The following PCDHGB6 variants were observed in gnomAD, a reference collection of about 807,000 sequenced individuals.
PCDHGB6 encodes protocadherin gamma-B6.
PCDHGB6 carries 51 observed loss-of-function variants against 59.1 expected under a neutral mutation model. The observed-to-expected ratio is 0.86, with a 90% CI of 0.69 to 1.09. The LOEUF (loss-of-function observed/expected upper bound fraction) is 1.09. Among genes scored for constraint, PCDHGB6 ranks in the 50% least tolerant of loss-of-function variants. The pLI is 0.00. For missense variants in PCDHGB6, 1,148 were observed against 1,205.1 expected (o/e 0.95, Z 0.70); for synonymous variants, 466 against 495.1 (o/e 0.94, Z 0.78).
chr5:141,495,449 G>T (rs1249221693), intron 2 of PCDHGB6, among the ~76,000 whole-genome samples: 1 of 152,194 alleles, frequency 6.6e-6, no homozygotes, highest in East Asian at 1.9e-4. Flanking sequence ...TACTTGTCCT[G>T]CTCTCTGTCT....
intron 1 of PCDHGB6, chr5:141,411,305 C>T (rs1317785609): frequency 6.6e-6 from 1 of 152,176 alleles, no homozygotes; most frequent in Non-Finnish European, 1.5e-5. Context: ...CCCAGTGGCT[C>T]ACACCTATAA....
Position 141,490,151 on chromosome 5 carries a change from T to A in PCDHGB6, c.2419-4656T>A, listed in dbSNP as rs1449636059. 6.2e-6 allele frequency: 10 copies of A among 1,614,210 alleles called. No homozygotes were observed. The highest frequency in any genetic ancestry group is 8.5e-6 in the Non-Finnish European group (10 of 1,180,018). On this transcript the variant is annotated intron_variant, in intron 1 of 3. Transcript: ENST00000520790. This position sits in a 1 kb window ranked among gnomAD's most constrained non-coding sequence, Gnocchi z 5.4. ...GACCCTAGCAGTGGGGCAATCCATG[T>A]GTTGGGTCCCATAGACTTTGAGGAG... is the stretch of plus-strand genomic sequence containing the variant.
At chr5:141,422,465 G>A in intron 1 of PCDHGB6, 1 of 1,613,508 alleles carries the variant, frequency 6.2e-7, no homozygotes, top group Non-Finnish European at 8.5e-7. Flanking sequence ...GTGCTGGACA[G>A]GGAGTTGGTC....
chr5:141,473,616 G>A (rs1049605139), intron 1 of PCDHGB6, among the ~76,000 whole-genome samples: 5 of 152,118 alleles, frequency 3.3e-5, no homozygotes, highest in African/African-American at 1.2e-4. Flanking sequence ...GCAAAGGGAG[G>A]GAGGAAAAAG....
intron 3 of PCDHGB6, among the ~76,000 whole-genome samples, chr5:141,507,891 C>A (rs1031803854): frequency 6.6e-6 from 1 of 152,208 alleles, no homozygotes; most frequent in African/African-American, 2.4e-5. Flanking sequence ...AGAGAGGTTC[C>A]TGAAGTCCAG....
chr5:141,413,906 C>G, intron 1 of PCDHGB6: 1 of 1,613,310 alleles, frequency 6.2e-7, no homozygotes. Context: ...GACAACGCGC[C>G]GGTCTTCACC....
chr5:141,431,582 G>A lies in PCDHGB6; in HGVS notation c.2418+20962G>A. On this transcript the variant is annotated intron_variant, in intron 1 of 3. Coordinates refer to ENST00000520790, the MANE Select transcript of PCDHGB6 (RefSeq NM_018926.3). The surrounding 1 kb of genome is among the most constrained non-coding windows in gnomAD (Gnocchi z 4.8). Reference sequence around the variant, plus strand: ...TACCGACCCTGACGAAGGAGTCAATGCGGAAGTGAGGTATTCCTTCCGGTA... The same window carrying A: ...TACCGACCCTGACGAAGGAGTCAATACGGAAGTGAGGTATTCCTTCCGGTA... The A allele has an allele frequency of 6.2e-7, 1 of 1,614,210 alleles. No homozygotes were observed. Among genetic ancestry groups the A allele is most frequent in the Non-Finnish European group, 8.5e-7 (1 of 1,180,036 alleles).
At position 141,490,356 on chromosome 5, in the gene PCDHGB6, T is replaced by C. The variant is rs771968534; in HGVS notation, c.2419-4451T>C. ...CAGTGGGCACAGTAGTGGGGTTGTT[T>C]AATGTGCGAGACCGGGACTCAGGTA... On this transcript the variant is annotated intron_variant, in intron 1 of 3. Coordinates refer to ENST00000520790, the MANE Select transcript of PCDHGB6 (RefSeq NM_018926.3). The surrounding 1 kb of genome is among the most constrained non-coding windows in gnomAD (Gnocchi z 5.4). 1.4e-5 allele frequency: 23 copies of C among 1,614,084 alleles called. No individual in the cohort carries two copies. Among genetic ancestry groups the C allele is most frequent in the Non-Finnish European group, 1.9e-5 (22 of 1,180,038 alleles).
chr5:141,483,756 G>C (rs11739909), intron 1 of PCDHGB6, among the ~76,000 whole-genome samples: 24,641 of 152,020 alleles, frequency 0.16, 2,128 homozygotes, highest in African/African-American at 0.22. Context: ...GAGGATCGAG[G>C]CTTGGAAAAA....
chr5:141,421,487 C>G (rs1447180364), intron 1 of PCDHGB6: 2 of 1,614,094 alleles, frequency 1.2e-6, no homozygotes, highest in Non-Finnish European at 1.7e-6. Context: ...AGCTTGATCA[C>G]GGCAGGCAGG....
At position 141,427,779 on chromosome 5, in the gene PCDHGB6, C is replaced by T. The variant is rs1196661076; in HGVS notation, c.2418+17159C>T. On this transcript the variant is annotated intron_variant, in intron 1 of 3. Transcript: ENST00000520790. Reference sequence around the variant, plus strand: ...TACCACTGACTTGGAGCTGCGGGCACTGTCGTCCTACGTGTCCGTGAGCGC... The same window carrying T: ...TACCACTGACTTGGAGCTGCGGGCATTGTCGTCCTACGTGTCCGTGAGCGC... 2.1e-6 allele frequency: 3 copies of T among 1,454,498 alleles called. No individual in the cohort carries two copies. The East Asian group carries it at 6.8e-5, about 33-fold the overall frequency. The allele number at this position is 1,454,498 out of a possible 1,614,324, so 90.1% of individuals were successfully genotyped here. A position where few individuals can be genotyped will look rare whatever the true frequency, so the allele number is the denominator to read the frequency against.
At chr5:141,415,420 G>A in intron 1 of PCDHGB6, 2 of 1,614,226 alleles carry the variant, frequency 1.2e-6, no homozygotes, top group Non-Finnish European at 1.7e-6. Flanking sequence ...GGGCGTGGAC[G>A]GGGTTCGGGC....
rs549047197 is a variant in PCDHGB6, at chr5:141,502,866, C to CTTTTTTTTTTTTTTT, written c.2478-2513_2478-2512insTTTTTTTTTTTTTTT. Reference sequence around the variant, plus strand: ...GAGCTGCCTAACCCTGACTCTCTGTCTTTTTTTTTTTTTTGACAGGGAGTC... The same window carrying CTTTTTTTTTTTTTTT: ...GAGCTGCCTAACCCTGACTCTCTGTCTTTTTTTTTTTTTTTTTTTTTTTTTTTTTGACAGGGAGTC... On this transcript the variant is annotated intron_variant, in intron 2 of 3. Coordinates refer to ENST00000520790, the MANE Select transcript of PCDHGB6 (RefSeq NM_018926.3). 1.1e-4 allele frequency among the ~76,000 whole-genome samples: 14 copies of CTTTTTTTTTTTTTTT among 128,026 alleles called. 3 individuals are homozygous for CTTTTTTTTTTTTTTT. Among genetic ancestry groups the CTTTTTTTTTTTTTTT allele is most frequent in the Admixed American group, 1.7e-4 (2 of 11,664 alleles). The allele number at this position is 128,026 out of a possible 152,430, so 84.0% of individuals were successfully genotyped here.
intron 1 of PCDHGB6, chr5:141,415,300 C>T (rs763286826): frequency 3.1e-6 from 5 of 1,614,222 alleles, no homozygotes; most frequent in East Asian, 4.5e-5. Context: ...CTGCGTCTTC[C>T]TGGCCTTCGT....
At chr5:141,473,229 T>G (rs891825934) in intron 1 of PCDHGB6, among the ~76,000 whole-genome samples, 8 of 152,160 alleles carry the variant, frequency 5.3e-5, no homozygotes, top group Admixed American at 1.3e-4. Context: ...GGAGATTGGA[T>G]CCACACAAGT....
Position 141,486,416 on chromosome 5 carries a change from C to G in PCDHGB6, c.2419-8391C>G. The G allele has an allele frequency of 4.3e-6, 7 of 1,614,152 alleles. No homozygotes were observed. The highest frequency in any genetic ancestry group is 5.9e-6 in the Non-Finnish European group (7 of 1,180,016). On this transcript the variant is annotated intron_variant, in intron 1 of 3. Coordinates refer to ENST00000520790, the MANE Select transcript of PCDHGB6 (RefSeq NM_018926.3). The surrounding 1 kb of genome is among the most constrained non-coding windows in gnomAD (Gnocchi z 5.0). Reference sequence around the variant, plus strand: ...CCTGGTGACTGCTGGACCCTTGGATCGAGAGGCCAAATCTAGCTATGACAT... The same window carrying G: ...CCTGGTGACTGCTGGACCCTTGGATGGAGAGGCCAAATCTAGCTATGACAT...
At chr5:141,414,790 A>G (rs1190584746) in intron 1 of PCDHGB6, 1 of 1,614,226 alleles carries the variant, frequency 6.2e-7, no homozygotes, top group South Asian at 1.1e-5. Context: ...GGTGACAGCC[A>G]GCGACAGCGG....
chr5:141,466,552 G>C lies in PCDHGB6; in HGVS notation c.2419-28255G>C, dbSNP rs913019489. On this transcript the variant is annotated intron_variant, in intron 1 of 3. Coordinates refer to ENST00000520790, the MANE Select transcript of PCDHGB6 (RefSeq NM_018926.3). ...ATTGATGTAGATGGTCTTTTGCTGTGGGCTTCATCTTCAACATTGTCTCAT... is the reference window on the plus strand; with the variant it reads ...ATTGATGTAGATGGTCTTTTGCTGTCGGCTTCATCTTCAACATTGTCTCAT... 2.6e-5 allele frequency among the ~76,000 whole-genome samples: 4 copies of C among 152,144 alleles called. No homozygotes were observed. The South Asian group carries it at 8.3e-4, about 32-fold the overall frequency.
At chr5:141,469,425 C>T (rs1035406646) in intron 1 of PCDHGB6, among the ~76,000 whole-genome samples, 1 of 151,622 alleles carries the variant, frequency 6.6e-6, no homozygotes, top group East Asian at 1.9e-4. Context: ...AAATATAAAA[C>T]TTAGCTGGGC....
Sources: allele counts gnomAD v4.1 joint callset (sites outside exome capture counted in the v4.1 genomes callset), GRCh38; gene constraint gnomAD v4.1.1; non-coding constraint Gnocchi (gnomAD v3.1); transcripts MANE v1.5; gene names NCBI Gene and HGNC (gene_info 2026-07-23, HGNC 2026-07-21).